RIMS2: variants seen among roughly 807,000 people sequenced by gnomAD.
RIMS2 encodes the protein regulating synaptic membrane exocytosis 2, also known as regulating synaptic membrane exocytosis protein 2.
In RIMS2, 59 loss-of-function variants were observed where a neutral mutation model predicts 174.4. The observed-to-expected ratio is 0.34, with a 90% CI of 0.27 to 0.42. RIMS2 has a LOEUF of 0.42. Among genes scored for constraint, RIMS2 ranks in the 10% least tolerant of loss-of-function variants. The pLI is 1.00. For synonymous variants in RIMS2, 606 were observed against 572.5 expected (o/e 1.06, Z -0.84); for missense variants, 1,620 against 1,666.3 (o/e 0.97, Z 0.48).
intron 16 of RIMS2, 100 bp from the exon 19 acceptor site, chr8:103,989,205 T>C: frequency 1.4e-6 from 1 of 726,682 alleles, no homozygotes; most frequent in Admixed American, 2.4e-5. Context: ...GACTTCACCA[T>C]ATAGTGACTT....
chr8:103,744,192 T>C (rs1399540806), intron 2 of RIMS2, among the ~76,000 whole-genome samples: 1 of 152,052 alleles, frequency 6.6e-6, no homozygotes, highest in East Asian at 1.9e-4. Context: ...ACTACAGGCA[T>C]GCGCCACCAC....
chr8:103,796,838 G>A (rs371081987), intron 3 of RIMS2, among the ~76,000 whole-genome samples: 3 of 152,164 alleles, frequency 2.0e-5, no homozygotes, highest in Admixed American at 6.6e-5. Context: ...GCATTTGGCT[G>A]TCCAGGTTGT....
At chr8:103,555,451 T>C (rs538244237) in intron 1 of RIMS2, among the ~76,000 whole-genome samples, 1 of 152,152 alleles carries the variant, frequency 6.6e-6, no homozygotes, top group Non-Finnish European at 1.5e-5. Context: ...TCAAAAACAG[T>C]ATGGAGGTTC....
chr8:103,863,316 A>T (rs2099068196), intron 3 of RIMS2, among the ~76,000 whole-genome samples: 1 of 152,202 alleles, frequency 6.6e-6, no homozygotes, highest in South Asian at 2.1e-4. Context: ...GAATAAAGCC[A>T]ACCTGATTGT....
intron 4 of RIMS2, among the ~76,000 whole-genome samples, chr8:103,903,757 C>G (rs1186008546): frequency 1.3e-5 from 2 of 152,090 alleles, no homozygotes; most frequent in South Asian, 2.1e-4. Flanking sequence ...ATCGTGCTGA[C>G]AAGTGATACT....
chr8:103,895,818 G>A (rs1187844428), intron 4 of RIMS2, among the ~76,000 whole-genome samples: 2 of 151,508 alleles, frequency 1.3e-5, no homozygotes, highest in East Asian at 3.9e-4. Context: ...TTAAAATGTA[G>A]AATTTGTCTC....
chr8:103,887,129 GCT>G (rs966843588), intron 4 of RIMS2, among the ~76,000 whole-genome samples: 7 of 151,778 alleles, frequency 4.6e-5, no homozygotes, highest in African/African-American at 9.6e-5. Flanking sequence ...CCACAAAAAT[GCT>G]CTCTTTGTCA....
chr8:103,629,039 G>A (rs1447111043), intron 1 of RIMS2, among the ~76,000 whole-genome samples: 1 of 152,144 alleles, frequency 6.6e-6, no homozygotes, highest in Non-Finnish European at 1.5e-5. Flanking sequence ...GCAATAGTGA[G>A]AGAGGCCCCT....
intron 3 of RIMS2, among the ~76,000 whole-genome samples, chr8:103,876,909 T>TATATATATATATACACAC (rs71297243): frequency 3.6e-4 from 24 of 66,074 alleles, no homozygotes; most frequent in Non-Finnish European, 7.3e-4. Flanking sequence ...TATATATATA[T>TATATATATATATACACAC]ACACACACAC....
At chr8:104,005,304 CG>C (rs1596942173) in intron 17 of RIMS2, among the ~76,000 whole-genome samples, 1 of 152,204 alleles carries the variant, frequency 6.6e-6, no homozygotes, top group East Asian at 1.9e-4. Flanking sequence ...CATTATGATT[CG>C]GGGGGTAATT....
chr8:103,563,660 T>C (rs2091944397), intron 1 of RIMS2, among the ~76,000 whole-genome samples: 1 of 152,202 alleles, frequency 6.6e-6, no homozygotes, highest in Non-Finnish European at 1.5e-5. Context: ...CTTTTTTGTG[T>C]ATCTTTTCAG....
intron 19 of RIMS2, among the ~76,000 whole-genome samples, chr8:104,084,769 A>C (rs1406225967): frequency 6.6e-6 from 1 of 152,144 alleles, no homozygotes; most frequent in Non-Finnish European, 1.5e-5. Context: ...TACTTACTAT[A>C]TGTCAAGACC....
intron 19 of RIMS2, among the ~76,000 whole-genome samples, chr8:104,034,724 C>T (rs2096479640): frequency 6.6e-6 from 1 of 151,980 alleles, no homozygotes; most frequent in Admixed American, 6.6e-5. Context: ...CCCACCTCAG[C>T]CTCCCAAAGT....
At chr8:104,113,100 A>C (rs1219635859) in intron 19 of RIMS2, among the ~76,000 whole-genome samples, 6 of 152,290 alleles carry the variant, frequency 3.9e-5, no homozygotes, top group Admixed American at 3.3e-4. Context: ...AGAAAACCAT[A>C]GGCCATCATT....
At chr8:103,631,041 T>C (rs1173702555) in intron 1 of RIMS2, among the ~76,000 whole-genome samples, 1 of 152,230 alleles carries the variant, frequency 6.6e-6, no homozygotes, top group East Asian at 1.9e-4. Flanking sequence ...GATGCATAGT[T>C]CACAAATATT....
At chr8:103,721,710 T>A (rs1421580628) in intron 2 of RIMS2, among the ~76,000 whole-genome samples, 1 of 152,216 alleles carries the variant, frequency 6.6e-6, no homozygotes, top group Non-Finnish European at 1.5e-5. Context: ...TGAATACCAT[T>A]CCATCCAATC....
intron 19 of RIMS2, among the ~76,000 whole-genome samples, chr8:104,235,506 C>T (rs1480197889): frequency 1.3e-5 from 2 of 152,088 alleles, no homozygotes; most frequent in African/African-American, 2.4e-5. Flanking sequence ...TCTTTCCCTC[C>T]TTTGTTCTGA....
intron 4 of RIMS2, among the ~76,000 whole-genome samples, chr8:103,906,227 TTTTTG>T (rs1182139546): frequency 6.6e-6 from 1 of 152,070 alleles, no homozygotes; most frequent in African/African-American, 2.4e-5. Flanking sequence ...ACATGACAGT[TTTTTG>T]TTTTGTTTTG....
At chr8:103,545,222 A>T (rs1255775619) in intron 1 of RIMS2, among the ~76,000 whole-genome samples, 11 of 152,246 alleles carry the variant, frequency 7.2e-5, no homozygotes, top group Non-Finnish European at 1.5e-4. Flanking sequence ...GATTGGCTGT[A>T]TAATGGAATT....
Sources: allele counts gnomAD v4.1 joint callset (sites outside exome capture counted in the v4.1 genomes callset), GRCh38; gene constraint gnomAD v4.1.1; transcripts MANE v1.5; gene names NCBI Gene and HGNC (gene_info 2026-07-23, HGNC 2026-07-21).